The following DPP6 variants were observed in gnomAD, a reference collection of about 807,000 sequenced individuals.
DPP6 encodes the protein dipeptidyl peptidase like 6.
Under a neutral mutation model 122.6 loss-of-function variants are expected in DPP6, and 69 were observed. The observed-to-expected ratio is 0.56, with a 90% CI of 0.46 to 0.69. DPP6 has a LOEUF of 0.69. Ranked by LOEUF, DPP6 falls within the 30% of genes least tolerant of loss-of-function variation. The pLI, the probability that DPP6 is intolerant of heterozygous loss-of-function variation, is 0.00. For missense variants in DPP6, 928 were observed against 1,116.9 expected (o/e 0.83, Z 2.41); for synonymous variants, 418 against 433.1 (o/e 0.97, Z 0.43).
intron 1 of DPP6, among the ~76,000 whole-genome samples, chr7:153,974,945 T>A (rs1796216878): frequency 6.6e-6 from 1 of 152,228 alleles, no homozygotes; most frequent in East Asian, 1.9e-4. Flanking sequence ...TAATCCTTCC[T>A]AATGCGCTGG....
At chr7:153,874,492 C>T in the DPP6 span, among the ~76,000 whole-genome samples, 1 of 152,168 alleles carries the variant, frequency 6.6e-6, no homozygotes, top group Non-Finnish European at 1.5e-5. Context: ...TCTCCTGTCT[C>T]AGCCTCCCAA....
At position 154,597,568 on chromosome 7, in the gene DPP6, G is replaced by A. The variant is rs1026236653; in HGVS notation, c.627+30652G>A. On this transcript the variant is annotated intron_variant, in intron 5 of 25. Coordinates refer to ENST00000377770, the MANE Select transcript of DPP6 (RefSeq NM_130797.4). ...GCAGAGGTTGCAGTGAGCCAAGATCGTGCCACTGCACTCCAGCCCGGGAGA... is the reference window on the plus strand; with the variant it reads ...GCAGAGGTTGCAGTGAGCCAAGATCATGCCACTGCACTCCAGCCCGGGAGA... 1.2e-4 allele frequency among the ~76,000 whole-genome samples: 18 copies of A among 151,354 alleles called. No homozygotes were observed. In the East Asian group the frequency reaches 1.4e-3, roughly 11 times the overall value.
chr7:154,613,619 CAAAAAAAAAAAAAAAA>C lies in DPP6; in HGVS notation c.628-24183_628-24168del, dbSNP rs749561005. On this transcript the variant is annotated intron_variant, in intron 5 of 25. Transcript: ENST00000377770. ...GGGCAACAAGAGCGAGACTCTGTCT[CAAAAAAAAAAAAAAAA>C]AAAAAAAAAAAAAAAAAAGTAGATG... 5.6e-3 allele frequency among the ~76,000 whole-genome samples: 288 copies of C among 51,842 alleles called. 4 individuals carry two copies. The highest frequency in any genetic ancestry group is 0.025 in the African/African-American group (277 of 10,942). The allele number at this position is 51,842 out of a possible 152,430, so 34.0% of individuals were successfully genotyped here. A position where few individuals can be genotyped will look rare whatever the true frequency, so the allele number is the denominator to read the frequency against.
chr7:154,884,009 CA>C (rs1186001479), intron 21 of DPP6: 1 of 68,676 alleles, frequency 1.5e-5, no homozygotes, highest in Non-Finnish European at 2.9e-5. Context: ...TGCTCACCCA[CA>C]CACACGCTCA....
intron 5 of DPP6, among the ~76,000 whole-genome samples, chr7:154,621,241 T>C (rs1173427775): frequency 6.6e-6 from 1 of 152,210 alleles, no homozygotes; most frequent in Non-Finnish European, 1.5e-5. Flanking sequence ...AATGAGTCTA[T>C]AATATGTTTA....
chr7:154,698,065 C>T (rs1840315624), intron 7 of DPP6, among the ~76,000 whole-genome samples: 1 of 152,124 alleles, frequency 6.6e-6, no homozygotes, highest in Non-Finnish European at 1.5e-5. Context: ...TCAATAGACC[C>T]AGTATCTAAA....
rs190044981 is a variant in DPP6 at position 154,086,958 on chromosome 7, A to G, written c.243+33895A>G. Among the ~76,000 whole-genome samples the G allele has an allele frequency of 3.9e-5, 6 of 152,276 alleles. No homozygotes were observed. The East Asian group carries it at 9.6e-4, about 24-fold the overall frequency. ...TAAATATCTCACCCACACATATAAC[A>G]TTACACATCTGAGGACTGTTGTCAA... On this transcript the variant is annotated intron_variant, in intron 1 of 25. Coordinates refer to ENST00000377770, the MANE Select transcript of DPP6 (RefSeq NM_130797.4).
intron 1 of DPP6, among the ~76,000 whole-genome samples, chr7:154,122,107 A>G (rs1052023192): frequency 2.0e-5 from 3 of 152,370 alleles, no homozygotes; most frequent in African/African-American, 7.2e-5. Flanking sequence ...ACAGCTTTAG[A>G]AACAATGGAC....
intron 1 of DPP6, among the ~76,000 whole-genome samples, chr7:154,431,442 CTTTCTTTTCTTTTCTTTTCTTTTCT>C (rs372693484): frequency 0.042 from 5,078 of 121,696 alleles, 396 homozygotes; most frequent in East Asian, 0.14. Flanking sequence ...TTTTTCTTTC[CTTTCTTTTCTTTTCTTTTCTTTTCT>C]TTTCTTTTCT....
intron 6 of DPP6, among the ~76,000 whole-genome samples, chr7:154,648,429 C>T (rs1365401498): frequency 1.3e-5 from 2 of 152,102 alleles, no homozygotes; most frequent in Non-Finnish European, 2.9e-5. Context: ...GAGGGTTGGA[C>T]ACAAATACCC....
At chr7:154,498,844 GAA>G (rs1586460790) in intron 3 of DPP6, among the ~76,000 whole-genome samples, 1 of 152,318 alleles carries the variant, frequency 6.6e-6, no homozygotes, top group East Asian at 1.9e-4. Flanking sequence ...GTAAAAATCA[GAA>G]AGTCTCCAGA....
At chr7:153,852,107 A>G in the DPP6 span, among the ~76,000 whole-genome samples, 2 of 152,148 alleles carry the variant, frequency 1.3e-5, no homozygotes, top group Non-Finnish European at 2.9e-5. Context: ...TTTCAGTGCT[A>G]GATGAATCTT....
the DPP6 span, among the ~76,000 whole-genome samples, chr7:153,838,914 G>A: frequency 2.6e-5 from 4 of 152,146 alleles, no homozygotes; most frequent in Non-Finnish European, 5.9e-5. Context: ...TTCCTGGCAC[G>A]TGAATGATAT....
intron 2 of DPP6, among the ~76,000 whole-genome samples, chr7:154,464,164 A>G (rs1586353368): frequency 6.6e-6 from 1 of 152,344 alleles, no homozygotes; most frequent in East Asian, 1.9e-4. Flanking sequence ...CCGAATGGCT[A>G]GGGCTGGTCT....
Position 154,231,420 on chromosome 7 carries a change from G to A in DPP6, c.243+178357G>A, listed in dbSNP as rs376535766. Among the ~76,000 whole-genome samples the A allele has an allele frequency of 6.6e-5, 10 of 152,236 alleles. No individual in the cohort carries two copies. The East Asian group carries it at 1.5e-3, about 24-fold the overall frequency. The stretch of plus-strand genomic sequence containing the variant: ...ACATCAGGAGCCTCCCTAGGAATAC[G>A]AGTACTTCCTTCAGTGCATCAGGCA... On this transcript the variant is annotated intron_variant, in intron 1 of 25. Coordinates refer to ENST00000377770, the MANE Select transcript of DPP6 (RefSeq NM_130797.4).
At chr7:154,019,837 C>A (rs1176279476) in intron 1 of DPP6, among the ~76,000 whole-genome samples, 1 of 152,112 alleles carries the variant, frequency 6.6e-6, no homozygotes, top group Admixed American at 6.6e-5. Context: ...GGCCAGTAAC[C>A]ATAACAGATA....
intron 1 of DPP6, among the ~76,000 whole-genome samples, chr7:153,925,097 G>A (rs1800827580): frequency 6.6e-6 from 1 of 152,176 alleles, no homozygotes; most frequent in South Asian, 2.1e-4. Context: ...GGCTGAGGGT[G>A]AGGAGAGAAG....
chr7:154,170,439 A>T (rs769760852), intron 1 of DPP6, among the ~76,000 whole-genome samples: 1 of 152,116 alleles, frequency 6.6e-6, no homozygotes, highest in South Asian at 2.1e-4. Context: ...CAGCTCCCCT[A>T]TCAGGTCTGT....
intron 1 of DPP6, among the ~76,000 whole-genome samples, chr7:154,159,916 C>G (rs1796892831): frequency 6.6e-6 from 1 of 151,982 alleles, no homozygotes; most frequent in South Asian, 2.1e-4. Context: ...CCAGCCCAGC[C>G]TGGGCAACAT....
Sources: gnomAD v4.1 joint callset for allele counts (sites outside exome capture counted in the v4.1 genomes callset) on GRCh38, gnomAD v4.1.1 for gene constraint, MANE v1.5 for transcripts, NCBI Gene and HGNC (gene_info 2026-07-23, HGNC 2026-07-21) for gene names.